DOCK3: variants seen among roughly 807,000 people sequenced by gnomAD.
DOCK3 encodes dedicator of cytokinesis protein 3.
A neutral mutation model predicts 265.6 loss-of-function variants in DOCK3; 60 were observed. The ratio of observed to expected loss-of-function variants is 0.23; its 90% CI spans 0.18 to 0.28. The LOEUF is 0.28. Among genes scored for constraint, DOCK3 ranks in the 10% least tolerant of loss-of-function variants. The pLI is 1.00. For missense variants in DOCK3, 1,981 were observed against 2,594.3 expected (o/e 0.76, Z 5.14); for synonymous variants, 881 against 938.0 (o/e 0.94, Z 1.11).
At chr3:51,321,268 A>T (rs776839861) in intron 32 of DOCK3, among the ~76,000 whole-genome samples, 2 of 152,250 alleles carry the variant, frequency 1.3e-5, no homozygotes, top group Non-Finnish European at 2.9e-5. Flanking sequence ...ACAAACAGAA[A>T]GGAATAGCAT....
chr3:51,096,023 C>A (rs2082843442), intron 9 of DOCK3, among the ~76,000 whole-genome samples: 2 of 151,714 alleles, frequency 1.3e-5, no homozygotes, highest in South Asian at 4.2e-4. Context: ...GGTAACCCGA[C>A]CTTTTCCTCT....
chr3:51,021,091 C>T (rs978070567), intron 5 of DOCK3, among the ~76,000 whole-genome samples: 7 of 151,958 alleles, frequency 4.6e-5, no homozygotes, highest in African/African-American at 1.7e-4. Flanking sequence ...TTGATTCTTC[C>T]TATCCATGAG....
In DOCK3 at chr3:50,889,525, C is replaced by T. The variant is rs771897579; in HGVS notation, c.163-501C>T. On this transcript the variant is annotated intron_variant, in intron 3 of 52. Transcript: ENST00000266037. ...ATTGAAATCAAATTATGGTAAACAA[C>T]AAAGTAGAAACAGTTTTGGAAAGAG... Among the ~76,000 whole-genome samples, 3 of 149,436 alleles carry T rather than the reference C, an allele frequency of 2.0e-5. No homozygotes were observed. The South Asian group carries it at 6.4e-4, about 32-fold the overall frequency.
intron 1 of DOCK3, among the ~76,000 whole-genome samples, chr3:50,767,643 CA>C (rs1197328486): frequency 6.6e-6 from 1 of 152,030 alleles, no homozygotes; most frequent in Non-Finnish European, 1.5e-5. Flanking sequence ...TAGTTTTTTC[CA>C]ATTCTGTGAA....
intron 12 of DOCK3, among the ~76,000 whole-genome samples, chr3:51,170,086 T>C (rs934792600): frequency 2.0e-5 from 3 of 152,240 alleles, no homozygotes; most frequent in Non-Finnish European, 2.9e-5. Context: ...ATTGGACATA[T>C]TGGGTTTCAG....
intron 21 of DOCK3, among the ~76,000 whole-genome samples, chr3:51,238,119 C>CTTTTTTTT: frequency 2.1e-5 from 1 of 47,486 alleles, no homozygotes. Flanking sequence ...ATATTTACCA[C>CTTTTTTTT]TTTTTTTTTT....
chr3:51,099,722 C>T (rs2083006949), intron 9 of DOCK3, among the ~76,000 whole-genome samples: 1 of 152,146 alleles, frequency 6.6e-6, no homozygotes, highest in African/African-American at 2.4e-5. Context: ...ACACAAAAAT[C>T]CATGTTCTCA....
intron 49 of DOCK3, among the ~76,000 whole-genome samples, chr3:51,372,867 T>A (rs2087798320): frequency 6.6e-6 from 1 of 152,250 alleles, no homozygotes; most frequent in Admixed American, 6.5e-5. Flanking sequence ...AGCCATCTTC[T>A]TGAGGTTGCC....
At chr3:51,114,468 G>A (rs2083648781) in intron 9 of DOCK3, among the ~76,000 whole-genome samples, 1 of 152,164 alleles carries the variant, frequency 6.6e-6, no homozygotes, top group Non-Finnish European at 1.5e-5. Context: ...GAGGCCATCA[G>A]TGGAGATTTT....
rs374547418 is a variant in DOCK3 at position 50,948,021 on chromosome 3, AATTATTATTATTATTATT to A, written c.315+13978_315+13995del. Among the ~76,000 whole-genome samples, 105 of 120,334 alleles carry A rather than the reference AATTATTATTATTATTATT, an allele frequency of 8.7e-4. 1 individual carries two copies. Among genetic ancestry groups the A allele is most frequent in the Admixed American group, 1.6e-3 (18 of 11,030 alleles). The allele number at this position is 120,334 out of a possible 152,430, so 78.9% of individuals were successfully genotyped here. A position where few individuals can be genotyped will look rare whatever the true frequency, so the allele number is the denominator to read the frequency against. ...CAGGCACCTGCCACCACGCCCAGCT[AATTATTATTATTATTATT>A]ATTATTATTATTATTATTATTATTA... On this transcript the variant is annotated intron_variant, in intron 5 of 52. Coordinates refer to ENST00000266037, the MANE Select transcript of DOCK3 (RefSeq NM_004947.5).
intron 10 of DOCK3, among the ~76,000 whole-genome samples, chr3:51,150,099 T>G (rs1298326549): frequency 6.6e-6 from 1 of 152,244 alleles, no homozygotes; most frequent in Non-Finnish European, 1.5e-5. Context: ...TTTATCCATT[T>G]CTTCTAGATT....
At chr3:50,849,332 GCAAAAAAATATA>G in intron 3 of DOCK3, among the ~76,000 whole-genome samples, 1 of 151,482 alleles carries the variant, frequency 6.6e-6, no homozygotes, top group East Asian at 1.9e-4. Context: ...ACCATGCCTG[GCAAAAAAATATA>G]CATATATACA....
intron 48 of DOCK3, 131 bp downstream of exon 48, chr3:51,362,128 AC>A: frequency 8.3e-7 from 1 of 1,205,632 alleles, no homozygotes; most frequent in Non-Finnish European, 1.1e-6. Context: ...AACACCCCTC[AC>A]CAGAGCTAGA....
rs139405064 is a variant in DOCK3, at chr3:51,015,380, G to C, written c.316-49068G>C. 2.8e-4 allele frequency among the ~76,000 whole-genome samples: 43 copies of C among 151,956 alleles called. No individual in the cohort carries two copies. In the East Asian group the frequency reaches 7.4e-3, roughly 26 times the overall value. ...TTTATTAAATGCTTTTTCAGCATCA[G>C]TTGATCATATGGTTTTTCTCTTTCA... On this transcript the variant is annotated intron_variant, in intron 5 of 52. Coordinates refer to ENST00000266037, the MANE Select transcript of DOCK3 (RefSeq NM_004947.5).
At chr3:51,095,251 G>A (rs139504714) in intron 9 of DOCK3, among the ~76,000 whole-genome samples, 1 of 152,122 alleles carries the variant, frequency 6.6e-6, no homozygotes, top group South Asian at 2.1e-4. Context: ...TTTCTTCATA[G>A]TGTGGATGGT....
At chr3:50,918,031 T>C (rs1032475005) in intron 4 of DOCK3, among the ~76,000 whole-genome samples, 16 of 152,080 alleles carry the variant, frequency 1.1e-4, no homozygotes, top group Non-Finnish European at 2.1e-4. Flanking sequence ...GTCCTTATGA[T>C]AGTTTGCTGA....
At chr3:51,363,585 C>T (rs563138378) in intron 49 of DOCK3, among the ~76,000 whole-genome samples, 169 of 152,272 alleles carry the variant, frequency 1.1e-3, no homozygotes, top group African/African-American at 3.9e-3. Flanking sequence ...GTGCTGCACC[C>T]GTTAACTCGT....
rs1474404094 is a variant in DOCK3 at position 51,368,266 on chromosome 3, C to T, written c.5293+5592C>T. Among the ~76,000 whole-genome samples, 4 of 152,276 alleles carry T rather than the reference C, an allele frequency of 2.6e-5. 1 individual carries two copies. The Middle Eastern group carries it at 0.01, about 388-fold the overall frequency. ...CGGAGCAGGGCGGGGCATTGCCTCA[C>T]CCAGGAAATGCAAGGGGTCGGGGAG... On this transcript the variant is annotated intron_variant, in intron 49 of 52. Coordinates refer to ENST00000266037, the MANE Select transcript of DOCK3 (RefSeq NM_004947.5).
At chr3:50,743,695 C>T (rs1413234237) in intron 1 of DOCK3, among the ~76,000 whole-genome samples, 2 of 152,146 alleles carry the variant, frequency 1.3e-5, no homozygotes, top group African/African-American at 2.4e-5. Context: ...TAAAGCAAGT[C>T]CTTAGTGACC....
Sources: allele counts gnomAD v4.1 joint callset (sites outside exome capture counted in the v4.1 genomes callset), GRCh38; gene constraint gnomAD v4.1.1; transcripts MANE v1.5; gene names NCBI Gene and HGNC (gene_info 2026-07-23, HGNC 2026-07-21).